The following DCDC1 variants were observed in gnomAD, a reference collection of about 807,000 sequenced individuals.
DCDC1 encodes the protein doublecortin domain containing 1, also known as doublecortin domain-containing protein 1.
In DCDC1, 200 loss-of-function variants were observed where a neutral mutation model predicts 178.3. The ratio of observed to expected loss-of-function variants is 1.12; its 90% CI spans 1.00 to 1.26. The LOEUF is 1.26. Among genes scored for constraint, DCDC1 ranks in the 50% most tolerant of loss-of-function variants. The probability of loss-of-function intolerance (pLI) is 0.00; values close to 1 mark genes in which losing one functional copy is unlikely to be tolerated. For missense variants in DCDC1, 1,983 were observed against 1,749.2 expected (o/e 1.13, Z -2.38); for synonymous variants, 690 against 604.8 (o/e 1.14, Z -2.07).
intron 21 of DCDC1, among the ~76,000 whole-genome samples, chr11:30,935,327 C>T (rs1947207749): frequency 6.6e-6 from 1 of 152,144 alleles, no homozygotes; most frequent in Non-Finnish European, 1.5e-5. Flanking sequence ...ATTTATCTGC[C>T]TGTGAGAGCC....
intron 1 of DCDC1, among the ~76,000 whole-genome samples, chr11:31,342,189 T>C (rs547990262): frequency 1.3e-5 from 2 of 152,232 alleles, no homozygotes; most frequent in East Asian, 3.9e-4. Flanking sequence ...GATGGGAAGC[T>C]CAAAGATTAT....
intron 18 of DCDC1, among the ~76,000 whole-genome samples, chr11:31,071,883 T>G (rs914323266): frequency 6.6e-6 from 1 of 152,226 alleles, no homozygotes; most frequent in African/African-American, 2.4e-5. Flanking sequence ...TCTTCCAGCC[T>G]TGGTCAAGCC....
chr11:31,207,614 C>T lies in DCDC1; in HGVS notation c.1221+33836G>A, dbSNP rs1972017425. Among the ~76,000 whole-genome samples, 3 of 152,184 alleles carry T rather than the reference C, an allele frequency of 2.0e-5. 1 individual carries two copies. Among genetic ancestry groups the T allele is most frequent in the Admixed American group, 2.0e-4 (3 of 15,274 alleles). ...TTATATAATGGATCTTTTGCAATATCAGTTGTCCTCCTTTATCTGATTATT... is the reference window on the plus strand; with the variant it reads ...TTATATAATGGATCTTTTGCAATATTAGTTGTCCTCCTTTATCTGATTATT... On this transcript the variant is annotated intron_variant, in intron 9 of 38. Coordinates refer to ENST00000684477, the MANE Select transcript of DCDC1 (RefSeq NM_001387274.1).
chr11:31,208,655 C>T (rs1173343619), intron 9 of DCDC1, among the ~76,000 whole-genome samples: 1 of 152,148 alleles, frequency 6.6e-6, no homozygotes, highest in African/African-American at 2.4e-5. Context: ...TCTCTATGAT[C>T]TGCATGTCCC....
chr11:31,352,821 G>C (rs1177858760), intron 1 of DCDC1, among the ~76,000 whole-genome samples: 1 of 152,180 alleles, frequency 6.6e-6, no homozygotes, highest in Non-Finnish European at 1.5e-5. Context: ...TAGCCCTCTA[G>C]GAGTGAGGAA....
chr11:30,867,774 G>T (rs969860775), intron 38 of DCDC1, among the ~76,000 whole-genome samples: 2 of 152,092 alleles, frequency 1.3e-5, no homozygotes, highest in African/African-American at 2.4e-5. Flanking sequence ...CTAAGCAGAT[G>T]AACTTCCAGG....
chr11:31,235,053 C>A (rs758929816), intron 9 of DCDC1, among the ~76,000 whole-genome samples: 3 of 151,908 alleles, frequency 2.0e-5, no homozygotes, highest in Non-Finnish European at 2.9e-5. Context: ...ATATTTCTAC[C>A]CAATATGATT....
At chr11:31,085,178 A>T (rs619745) in intron 17 of DCDC1, among the ~76,000 whole-genome samples, 59,770 of 141,196 alleles carry the variant, frequency 0.42, 12,458 homozygotes, top group Middle Eastern at 0.53. Context: ...TTTTTTTTTT[A>T]AAAAAAACTG....
At chr11:31,340,781 C>T (rs1234251792) in intron 1 of DCDC1, among the ~76,000 whole-genome samples, 1 of 152,144 alleles carries the variant, frequency 6.6e-6, no homozygotes, top group African/African-American at 2.4e-5. Flanking sequence ...GCCTACCCAT[C>T]AGATATTGGA....
Position 31,090,097 on chromosome 11 carries a change from A to G in DCDC1, c.2237+1296T>C, listed in dbSNP as rs145614965. ...AAATCTTATTACCCAGTCTGCGTAC[A>G]GTTCCATACCAAACTGAGACTTGCT... On this transcript the variant is annotated intron_variant, in intron 17 of 38. Transcript: ENST00000684477. 2.0e-3 allele frequency among the ~76,000 whole-genome samples: 302 copies of G among 152,280 alleles called. 1 individual carries two copies. The highest frequency in any genetic ancestry group is 7.0e-3 in the African/African-American group (290 of 41,582).
At chr11:31,017,400 T>C (rs1451974274) in intron 20 of DCDC1, among the ~76,000 whole-genome samples, 1 of 152,196 alleles carries the variant, frequency 6.6e-6, no homozygotes, top group Admixed American at 6.5e-5. Flanking sequence ...TAAAATAACA[T>C]TTTCTTTTCT....
intron 9 of DCDC1, among the ~76,000 whole-genome samples, chr11:31,239,746 C>A (rs1243371094): frequency 6.6e-6 from 1 of 151,704 alleles, no homozygotes; most frequent in Non-Finnish European, 1.5e-5. Context: ...CACAGAGACA[C>A]TAAAATGTTA....
intron 10 of DCDC1, 145 bp downstream of exon 10, chr11:31,137,547 A>C (rs1295691327): frequency 1.1e-5 from 5 of 469,110 alleles, no homozygotes; most frequent in Non-Finnish European, 1.9e-5. Flanking sequence ...ATGGGGTTTC[A>C]CCATGTTGGT....
At chr11:31,266,039 T>C (rs1945139192) in intron 7 of DCDC1, among the ~76,000 whole-genome samples, 1 of 151,842 alleles carries the variant, frequency 6.6e-6, no homozygotes, top group African/African-American at 2.4e-5. Context: ...TGAGAGGATA[T>C]TACCATTTAA....
intron 8 of DCDC1, among the ~76,000 whole-genome samples, chr11:31,243,714 T>C (rs915670772): frequency 1.3e-5 from 2 of 151,888 alleles, no homozygotes; most frequent in African/African-American, 2.4e-5. Context: ...GAATTGCTAC[T>C]GGATGGAAAA....
At chr11:31,218,851 T>C (rs1013071263) in intron 9 of DCDC1, among the ~76,000 whole-genome samples, 4 of 152,192 alleles carry the variant, frequency 2.6e-5, no homozygotes, top group African/African-American at 9.6e-5. Flanking sequence ...CCCAATATTA[T>C]GACAAGGTCC....
intron 20 of DCDC1, among the ~76,000 whole-genome samples, chr11:30,967,392 G>T (rs927556360): frequency 6.6e-5 from 10 of 152,042 alleles, no homozygotes; most frequent in East Asian, 3.9e-4. Context: ...ACTCATGATT[G>T]TTTATCTAGA....
At chr11:31,240,027 T>C (rs1022231851) in intron 9 of DCDC1, among the ~76,000 whole-genome samples, 4 of 151,996 alleles carry the variant, frequency 2.6e-5, no homozygotes, top group African/African-American at 9.6e-5. Flanking sequence ...AGCTTGTCTT[T>C]AGATTTTATT....
chr11:31,286,205 T>TA (rs1431493131), intron 7 of DCDC1, among the ~76,000 whole-genome samples: 3 of 74,952 alleles, frequency 4.0e-5, no homozygotes, highest in Non-Finnish European at 7.2e-5. Context: ...AAGTGGGGCC[T>TA]AGAGTCTGAT....
Sources: allele counts gnomAD v4.1 joint callset (sites outside exome capture counted in the v4.1 genomes callset), GRCh38; gene constraint gnomAD v4.1.1; transcripts MANE v1.5; gene names NCBI Gene and HGNC (gene_info 2026-07-23, HGNC 2026-07-21).